Variants in CRHR2 observed in about 807,000 individuals in gnomAD.
The protein encoded by CRHR2 is corticotropin releasing hormone receptor 2.
In CRHR2, 53 loss-of-function variants were observed where a neutral mutation model predicts 57.9. The ratio of observed to expected loss-of-function variants is 0.92; its 90% CI spans 0.73 to 1.15. The LOEUF is 1.15. Ranked by LOEUF, CRHR2 falls within the 50% of genes most tolerant of loss-of-function variation. The pLI is 0.00. For missense variants in CRHR2, 532 were observed against 542.6 expected (o/e 0.98, Z 0.19); for synonymous variants, 213 against 220.9 (o/e 0.96, Z 0.32).
chr7:30,686,919 T>G (rs1784867484), upstream of CRHR2, among the ~76,000 whole-genome samples: 1 of 152,216 alleles, frequency 6.6e-6, no homozygotes, highest in Non-Finnish European at 1.5e-5. Context: ...TTTTTAGTCT[T>G]TATTTTATTT....
rs1240962568 is a variant in CRHR2, at chr7:30,653,403, C to T, written c.*57G>A. The T allele has an allele frequency of 1.3e-5, 20 of 1,591,636 alleles. No individual in the cohort carries two copies. The South Asian group carries it at 2.1e-4, about 16-fold the overall frequency. On this transcript the variant is annotated 3_prime_UTR_variant, in exon 12 of 12. Transcript: ENST00000471646. The surrounding 1 kb of genome is among the most constrained non-coding windows in gnomAD (Gnocchi z 5.0). Reference sequence around the variant, plus strand: ...ACGAGAGCCTGCCCAGCACAGAGAACCCAGAGGAAGAAGGTGGAGGAGGAC... The same window carrying T: ...ACGAGAGCCTGCCCAGCACAGAGAATCCAGAGGAAGAAGGTGGAGGAGGAC...
At chr7:30,685,089 C>T (rs950907337), upstream of CRHR2, among the ~76,000 whole-genome samples, 6 of 152,158 alleles carry the variant, frequency 3.9e-5, no homozygotes, top group Non-Finnish European at 7.3e-5. Flanking sequence ...GGAAGTGTGA[C>T]AGGTACTTTG....
At chr7:30,672,427 A>G (rs760824927) in intron 2 of CRHR2, among the ~76,000 whole-genome samples, 33 of 152,230 alleles carry the variant, frequency 2.2e-4, no homozygotes, top group Non-Finnish European at 3.5e-4. Flanking sequence ...TTTCTTAAGC[A>G]CTGCACAGAG....
Position 30,660,433 on chromosome 7 carries a change from A to G in CRHR2, c.831+140T>C, listed in dbSNP as rs1411305338. On this transcript the variant is annotated intron_variant, in intron 8 of 11. Transcript: ENST00000471646. ...GGGTGGTGCTGGGGCACAGGGTGGC[A>G]TGGACAGGGTACGGGGGTGGCATAT... 1.9e-5 allele frequency: 15 copies of G among 806,660 alleles called. No homozygotes were observed. In the Admixed American group the frequency reaches 3.5e-4, roughly 19 times the overall value. The allele number at this position is 806,660 out of a possible 1,614,324, so 50.0% of individuals were successfully genotyped here.
Position 30,665,378 on chromosome 7 carries a change from T to C in CRHR2, c.425+152A>G. ...CTGCACCCCACATGCCTGCTGGTGATTCATGCCCTGGCACCCCACCCAAAC... is the reference window on the plus strand; with the variant it reads ...CTGCACCCCACATGCCTGCTGGTGACTCATGCCCTGGCACCCCACCCAAAC... On this transcript the variant is annotated intron_variant, in intron 4 of 11. Coordinates refer to ENST00000471646, the MANE Select transcript of CRHR2 (RefSeq NM_001883.5). This position sits in a 1 kb window ranked among gnomAD's most constrained non-coding sequence, Gnocchi z 4.5. 1 of 822,248 alleles carries C rather than the reference T, an allele frequency of 1.2e-6. No individual in the cohort carries two copies. The highest frequency in any genetic ancestry group is 2.0e-6 in the Non-Finnish European group (1 of 508,986). 50.9% of individuals were successfully genotyped at this position (822,248 alleles called of 1,614,324 possible).
Position 30,653,048 on chromosome 7 carries a change from A to G in CRHR2, c.*412T>C, listed in dbSNP as rs1319033257. The stretch of plus-strand genomic sequence containing the variant: ...CCACTGAGTGTGGAGGCCAAGGGCC[A>G]GTGCAGGGCCACACCATTGCCTGGC... On this transcript the variant is annotated 3_prime_UTR_variant, in exon 12 of 12. Coordinates refer to ENST00000471646, the MANE Select transcript of CRHR2 (RefSeq NM_001883.5). The surrounding 1 kb of genome is among the most constrained non-coding windows in gnomAD (Gnocchi z 5.0). The G allele has an allele frequency of 6.0e-6, 1 of 166,142 alleles. No individual in the cohort carries two copies. Among genetic ancestry groups the G allele is most frequent in the African/African-American group, 2.4e-5 (1 of 41,948 alleles). 10.3% of individuals were successfully genotyped at this position (166,142 alleles called of 1,614,324 possible).
intron 1 of CRHR2, among the ~76,000 whole-genome samples, chr7:30,698,497 A>G (rs903944977): frequency 6.6e-6 from 1 of 152,204 alleles, no homozygotes; most frequent in East Asian, 1.9e-4. Flanking sequence ...AGAGGGCAAG[A>G]GAGCTCAAAG....
chr7:30,675,877 C>G (rs1784500102), intron 2 of CRHR2, among the ~76,000 whole-genome samples: 1 of 152,202 alleles, frequency 6.6e-6, no homozygotes, highest in Non-Finnish European at 1.5e-5. Flanking sequence ...AAAAGCTTGT[C>G]TCTAGGCTCC....
At chr7:30,679,442 G>C (rs1346697994) in intron 2 of CRHR2, among the ~76,000 whole-genome samples, 3 of 152,176 alleles carry the variant, frequency 2.0e-5, no homozygotes, top group Admixed American at 6.5e-5. Flanking sequence ...ATGTATCTCA[G>C]AGGGAGTGTG....
At chr7:30,655,807 G>A (rs746945781) in intron 9 of CRHR2, 92 bp from the exon 10 acceptor site, 105 of 1,589,636 alleles carry the variant, frequency 6.6e-5, no homozygotes, top group South Asian at 9.1e-5. Context: ...TGTTTCTTCC[G>A]GGAGCTTGAG....
intron 5 of CRHR2, among the ~76,000 whole-genome samples, chr7:30,664,394 G>A (rs1466143962): frequency 2.0e-5 from 3 of 152,224 alleles, no homozygotes; most frequent in Non-Finnish European, 2.9e-5. Context: ...TGACCTTGGC[G>A]AGTCACTTAA....
In CRHR2 at chr7:30,665,233, TG is replaced by T. The variant is rs1784140047; in HGVS notation, c.426-47del. On this transcript the variant is annotated intron_variant, in intron 4 of 11. Coordinates refer to ENST00000471646, the MANE Select transcript of CRHR2 (RefSeq NM_001883.5). This position sits in a 1 kb window ranked among gnomAD's most constrained non-coding sequence, Gnocchi z 4.5. The stretch of plus-strand genomic sequence containing the variant: ...GGGTCAGCCAGGTTCAGGGGTCAAC[TG>T]GGACTGGGTTCCCCCTGAGGCCAGG... 1 of 1,525,796 alleles carries T rather than the reference TG, an allele frequency of 6.6e-7. No homozygotes were observed. Among genetic ancestry groups the T allele is most frequent in the East Asian group, 2.3e-5 (1 of 44,398 alleles). The allele number at this position is 1,525,796 out of a possible 1,614,324, so 94.5% of individuals were successfully genotyped here.
intron 5 of CRHR2, among the ~76,000 whole-genome samples, chr7:30,663,823 T>C (rs1784096091): frequency 1.3e-5 from 2 of 152,212 alleles, no homozygotes; most frequent in Non-Finnish European, 2.9e-5. Context: ...TGGGGAATGA[T>C]GGAGCCAGCT....
intron 3 of CRHR2, 139 bp downstream of exon 3, chr7:30,667,089 G>C: frequency 1.4e-6 from 1 of 709,284 alleles, no homozygotes; most frequent in South Asian, 1.7e-5. Flanking sequence ...GCAGGACACT[G>C]GGGGCAGGGG....
At chr7:30,673,557 G>A (rs533802494) in intron 2 of CRHR2, among the ~76,000 whole-genome samples, 11 of 152,192 alleles carry the variant, frequency 7.2e-5, no homozygotes, top group African/African-American at 2.4e-4. Context: ...CTCAATCAAT[G>A]TCTCCTCCCA....
At position 30,655,056 on chromosome 7, in the gene CRHR2, A is replaced by G. The variant is rs773040787; in HGVS notation, c.1078T>C (p.Cys360Arg). The G allele has an allele frequency of 1.9e-6, 3 of 1,613,728 alleles. No homozygotes were observed. The highest frequency in any genetic ancestry group is 2.5e-6 in the Non-Finnish European group (3 of 1,179,768). Residue 360 changes from cysteine (C) to arginine (R), a missense_variant, in exon 11 of 12, where the codon TGC (cysteine) becomes CGC (arginine). Physicochemically the swap from Cys to Arg is radical, Grantham distance 180. Coordinates refer to ENST00000471646, the MANE Select transcript of CRHR2 (RefSeq NM_001883.5). ...FQGFFVSVFYCFFNGEVRSAV... is the reference protein window; with the variant it reads ...FQGFFVSVFYRFFNGEVRSAV... ...CTTCATACCTCTCCATTGAAGAAGC[A>G]GTAGAAGACAGACACGAAGAAACCC...
chr7:30,663,890 C>T (rs887888824), intron 5 of CRHR2, among the ~76,000 whole-genome samples: 1 of 152,236 alleles, frequency 6.6e-6, no homozygotes, highest in Admixed American at 6.5e-5. Context: ...CCCATCCTCT[C>T]TGTCTGGCTC....
intron 2 of CRHR2, among the ~76,000 whole-genome samples, chr7:30,677,119 T>C (rs544062279): frequency 6.6e-6 from 1 of 151,134 alleles, no homozygotes; most frequent in South Asian, 2.1e-4. Flanking sequence ...GGAGGGCAGA[T>C]AGAAGGAGGG....
At chr7:30,660,438 C>A in intron 8 of CRHR2, 135 bp downstream of exon 8, 1 of 848,388 alleles carries the variant, frequency 1.2e-6, no homozygotes, top group Non-Finnish European at 1.8e-6. Context: ...GTGGCATGGA[C>A]AGGGTACGGG....
Sources: allele counts gnomAD v4.1 joint callset (sites outside exome capture counted in the v4.1 genomes callset), GRCh38; gene constraint gnomAD v4.1.1; non-coding constraint Gnocchi (gnomAD v3.1); transcripts MANE v1.5; gene names NCBI Gene and HGNC (gene_info 2026-07-23, HGNC 2026-07-21).